Variants in GALNTL6 observed in about 807,000 individuals in gnomAD.
GALNTL6 encodes the protein polypeptide N-acetylgalactosaminyltransferase-like 6.
In GALNTL6, 46 loss-of-function variants were observed where a neutral mutation model predicts 73.7. That is an observed-to-expected ratio of 0.62 (90% CI 0.49 to 0.80). GALNTL6 has a LOEUF of 0.80. GALNTL6 is among the 30% of genes least tolerant of loss of function. The probability of loss-of-function intolerance (pLI) is 0.00; values close to 1 mark genes in which losing one functional copy is unlikely to be tolerated. For missense variants in GALNTL6, 604 were observed against 755.0 expected (o/e 0.80, Z 2.34); for synonymous variants, 259 against 263.7 (o/e 0.98, Z 0.17).
intron 4 of GALNTL6, among the ~76,000 whole-genome samples, chr4:172,316,971 C>G (rs1007894535): frequency 8.5e-5 from 13 of 152,080 alleles, no homozygotes; most frequent in Non-Finnish European, 1.0e-4. Flanking sequence ...CTTTGTAACC[C>G]AAACCCACGA....
intron 3 of GALNTL6, among the ~76,000 whole-genome samples, chr4:172,274,808 A>G (rs923071218): frequency 2.6e-5 from 4 of 152,174 alleles, no homozygotes; most frequent in Admixed American, 6.6e-5. Flanking sequence ...CTAGGCAGAA[A>G]CCTTCTTAAT....
intron 2 of GALNTL6, among the ~76,000 whole-genome samples, chr4:172,057,738 A>ATG (rs1731072934): frequency 7.3e-6 from 1 of 137,836 alleles, no homozygotes; most frequent in African/African-American, 2.8e-5. Flanking sequence ...ATATATATAT[A>ATG]TATATATATA....
At chr4:172,351,676 T>C (rs1741950980) in intron 5 of GALNTL6, among the ~76,000 whole-genome samples, 1 of 152,050 alleles carries the variant, frequency 6.6e-6, no homozygotes, top group Non-Finnish European at 1.5e-5. Context: ...GTGTGTAGAG[T>C]TCTTTTCACC....
chr4:172,228,151 T>C (rs1038834787), intron 2 of GALNTL6, among the ~76,000 whole-genome samples: 3 of 152,144 alleles, frequency 2.0e-5, no homozygotes, highest in Admixed American at 6.5e-5. Flanking sequence ...AAATGTTTGA[T>C]TTTTTTAAAT....
intron 5 of GALNTL6, among the ~76,000 whole-genome samples, chr4:172,536,501 G>T (rs1284076358): frequency 6.6e-6 from 1 of 152,140 alleles, no homozygotes; most frequent in Non-Finnish European, 1.5e-5. Flanking sequence ...GTTTTGGGAA[G>T]TGGAATAAAG....
intron 5 of GALNTL6, among the ~76,000 whole-genome samples, chr4:172,357,536 T>C (rs1287357294): frequency 6.6e-6 from 1 of 151,952 alleles, no homozygotes; most frequent in Non-Finnish European, 1.5e-5. Flanking sequence ...ACTAATTAAA[T>C]ACACATCCTT....
chr4:172,774,169 T>C (rs1348460499), intron 5 of GALNTL6, among the ~76,000 whole-genome samples: 1 of 152,204 alleles, frequency 6.6e-6, no homozygotes, highest in Non-Finnish European at 1.5e-5. Context: ...TACATTCCAG[T>C]GTTCCAATAA....
chr4:172,069,493 G>A (rs201689916), intron 2 of GALNTL6, among the ~76,000 whole-genome samples: 3 of 59,328 alleles, frequency 5.1e-5, no homozygotes, highest in South Asian at 9.5e-4. Context: ...TAACACATAT[G>A]TTATATGTAT....
chr4:172,812,184 C>T (rs1027661812), intron 6 of GALNTL6, among the ~76,000 whole-genome samples: 4 of 152,134 alleles, frequency 2.6e-5, no homozygotes, highest in African/African-American at 9.7e-5. Flanking sequence ...AAAGCCACTT[C>T]TTATTATAAC....
At chr4:172,037,179 C>T (rs920006550) in intron 2 of GALNTL6, among the ~76,000 whole-genome samples, 1 of 152,160 alleles carries the variant, frequency 6.6e-6, no homozygotes, top group African/African-American at 2.4e-5. Context: ...TCTGCTAGTA[C>T]ATGCCCTGTC....
chr4:172,636,296 A>G (rs1277179977), intron 5 of GALNTL6, among the ~76,000 whole-genome samples: 1 of 152,226 alleles, frequency 6.6e-6, no homozygotes, highest in Admixed American at 6.5e-5. Context: ...TATACTGTAA[A>G]TAACTGAAAA....
chr4:171,949,556 C>A (rs1738805210), intron 2 of GALNTL6, among the ~76,000 whole-genome samples: 1 of 151,996 alleles, frequency 6.6e-6, no homozygotes, highest in South Asian at 2.1e-4. Context: ...AGGTGAGGGG[C>A]AGAAAGTAGA....
chr4:172,798,175 C>A (rs62329191), intron 5 of GALNTL6, among the ~76,000 whole-genome samples: 1 of 151,990 alleles, frequency 6.6e-6, no homozygotes, highest in Non-Finnish European at 1.5e-5. Context: ...AAACAAGTAA[C>A]AGAAAATGAT....
intron 5 of GALNTL6, among the ~76,000 whole-genome samples, chr4:172,354,732 CAG>C (rs1450686552): frequency 6.6e-6 from 1 of 152,056 alleles, no homozygotes; most frequent in Admixed American, 6.6e-5. Flanking sequence ...GAATCTGTCT[CAG>C]AAGAAAAGCA....
intron 2 of GALNTL6, among the ~76,000 whole-genome samples, chr4:172,150,970 AATCTACT>A (rs1734071365): frequency 6.6e-6 from 1 of 152,204 alleles, no homozygotes; most frequent in African/African-American, 2.4e-5. Context: ...GGTCCTTCTC[AATCTACT>A]ATTTGGCATA....
intron 2 of GALNTL6, among the ~76,000 whole-genome samples, chr4:172,185,858 G>A (rs1045984489): frequency 4.6e-5 from 7 of 152,088 alleles, no homozygotes; most frequent in Non-Finnish European, 1.0e-4. Flanking sequence ...ATTGTAAAAA[G>A]CGGTTAACAT....
intron 5 of GALNTL6, among the ~76,000 whole-genome samples, chr4:172,522,472 A>G (rs1734808256): frequency 1.3e-5 from 2 of 152,138 alleles, no homozygotes; most frequent in Non-Finnish European, 2.9e-5. Context: ...GGATTTCGAG[A>G]TTAGCCTTAC....
chr4:172,450,456 G>T (rs1209505169), intron 5 of GALNTL6, among the ~76,000 whole-genome samples: 1 of 152,126 alleles, frequency 6.6e-6, no homozygotes, highest in African/African-American at 2.4e-5. Context: ...TCACTGAACT[G>T]CTGTAACAGC....
At chr4:172,518,250 G>A (rs338054) in intron 5 of GALNTL6, among the ~76,000 whole-genome samples, 119,161 of 151,758 alleles carry the variant, frequency 0.79, 47,224 homozygotes, top group East Asian at 0.99. Flanking sequence ...TAATTTTGGG[G>A]GAAATGTTTG....
Sources: allele counts gnomAD v4.1 joint callset (sites outside exome capture counted in the v4.1 genomes callset), GRCh38; gene constraint gnomAD v4.1.1; transcripts MANE v1.5; gene names NCBI Gene and HGNC (gene_info 2026-07-23, HGNC 2026-07-21).